Variants in SYNE1 observed in about 807,000 individuals in gnomAD.
The protein encoded by SYNE1 is spectrin repeat containing nuclear envelope protein 1, also known as nesprin-1.
In SYNE1, 616 loss-of-function variants were observed where a neutral mutation model predicts 1,111.0. The ratio of observed to expected loss-of-function variants is 0.55; its 90% CI spans 0.52 to 0.59. The LOEUF is 0.59. Among genes scored for constraint, SYNE1 ranks in the 20% least tolerant of loss-of-function variants. SYNE1 has a pLI of 0.00. For synonymous variants in SYNE1, 3,855 were observed against 3,825.8 expected, an observed-to-expected ratio of 1.01 and a Z score of -0.28; for missense variants, 10,006 against 10,417.0, an observed-to-expected ratio of 0.96 and a Z score of 1.72.
At chr6:152,155,374 G>A in intron 132 of SYNE1, 1 of 343,534 alleles carries the variant, frequency 2.9e-6, no homozygotes, top group Admixed American at 4.5e-5. Context: ...GTGCACTCAG[G>A]CCAGTGTCTT....
rs958928847 is a variant in SYNE1 at position 152,506,061 on chromosome 6, T to C, written c.582-664A>G. Among the ~76,000 whole-genome samples the C allele has an allele frequency of 5.3e-5, 8 of 152,252 alleles. No individual in the cohort carries two copies. The East Asian group carries it at 5.8e-4, about 11-fold the overall frequency. ...TTGTTTTTAAGCTCCTTTTTGGTAA[T>C]TGTCTTGAGGGCAAAGCCGTGGTGG... On this transcript the variant is annotated intron_variant, in intron 8 of 145. Coordinates refer to ENST00000367255, the MANE Select transcript of SYNE1 (RefSeq NM_182961.4).
rs1430713628 is a variant in SYNE1, at chr6:152,301,882, G to C, written c.17528C>G (p.Pro5843Arg). ...CTGGATCCTTACCATGACCACAGAG[G>C]GGTGGGCCGAAGGCGTGGGGAGGAG... Reference protein sequence around the residue: ...GELLPTPSAHPSVVMMTAGRC... With the variant: ...GELLPTPSAHRSVVMMTAGRC... The change falls in exon 92 of 146, where the codon CCC (proline) becomes CGC (arginine). Residue 5843 changes from proline (P) to arginine (R), a missense_variant. Physicochemically the swap from Pro to Arg is moderately radical, Grantham distance 103. Transcript: ENST00000367255. 1 of 1,613,564 alleles carries C rather than the reference G, an allele frequency of 6.2e-7. No individual in the cohort carries two copies. The highest frequency in any genetic ancestry group is 1.1e-5 in the South Asian group (1 of 91,066).
chr6:152,356,270 G>C (rs1320217034), intron 66 of SYNE1, among the ~76,000 whole-genome samples: 1 of 151,586 alleles, frequency 6.6e-6, no homozygotes, highest in Non-Finnish European at 1.5e-5. Flanking sequence ...TAAAAATACA[G>C]ACACTGTGGC....
At position 152,300,786 on chromosome 6, in the gene SYNE1, C is replaced by T. The variant is rs776747142; in HGVS notation, c.17542-5G>A. 3 of 1,614,144 alleles carry T rather than the reference C, an allele frequency of 1.9e-6. No individual in the cohort carries two copies. The highest frequency in any genetic ancestry group is 2.2e-5 in the South Asian group (2 of 91,080). On this transcript the variant is annotated splice_region_variant and splice_polypyrimidine_tract_variant and intron_variant, in intron 92 of 145. Coordinates refer to ENST00000367255, the MANE Select transcript of SYNE1 (RefSeq NM_182961.4). ...GTGACAGCGACCTGCAGTCATCTGC[C>T]ACGTAAAATGTAGCCCAAAGGACAT...
At chr6:152,630,746 A>G in intron 2 of SYNE1, among the ~76,000 whole-genome samples, 1 of 152,206 alleles carries the variant, frequency 6.6e-6, no homozygotes. Context: ...ACTGGAGCTC[A>G]CAGATGATTA....
intron 104 of SYNE1, among the ~76,000 whole-genome samples, chr6:152,250,619 A>T (rs924162770): frequency 2.6e-5 from 4 of 152,248 alleles, no homozygotes; most frequent in African/African-American, 9.6e-5. Context: ...AGCAATCTGC[A>T]AGTCTAGTGG....
chr6:152,225,246 A>G (rs1443233599), intron 116 of SYNE1, among the ~76,000 whole-genome samples: 1 of 151,040 alleles, frequency 6.6e-6, no homozygotes, highest in Admixed American at 6.6e-5. Context: ...ATCTATAGCT[A>G]TAACAATATC....
intron 8 of SYNE1, among the ~76,000 whole-genome samples, chr6:152,509,178 A>C (rs1251976853): frequency 2.0e-5 from 3 of 152,116 alleles, no homozygotes; most frequent in Non-Finnish European, 2.9e-5. Flanking sequence ...TTATATAATC[A>C]ACTGAAAACT....
chr6:152,245,387 C>T lies in SYNE1; in HGVS notation c.19573-731G>A, dbSNP rs147169719. On this transcript the variant is annotated intron_variant, in intron 105 of 145. Coordinates refer to ENST00000367255, the MANE Select transcript of SYNE1 (RefSeq NM_182961.4). ...GAAGGGAGATACCAGACCACAAATC[C>T]TGGAGCAGCCTAAGCAGGCGTTTGG... Among the ~76,000 whole-genome samples the T allele has an allele frequency of 3.9e-4, 60 of 152,286 alleles. No individual in the cohort carries two copies. The Middle Eastern group carries it at 0.014, about 35-fold the overall frequency.
At chr6:152,275,880 CAAAA>C (rs756837860) in intron 98 of SYNE1, among the ~76,000 whole-genome samples, 1 of 87,002 alleles carries the variant, frequency 1.1e-5, no homozygotes, top group African/African-American at 4.4e-5. Flanking sequence ...GACCCTGTCT[CAAAA>C]AAAAAAAAAC....
chr6:152,193,499 T>C (rs977805122), intron 127 of SYNE1, among the ~76,000 whole-genome samples: 2 of 152,074 alleles, frequency 1.3e-5, no homozygotes, highest in Non-Finnish European at 2.9e-5. Flanking sequence ...TATAATTTTG[T>C]TAGAGACAGG....
chr6:152,164,078 C>A, intron 131 of SYNE1, 85 bp downstream of exon 131: 1 of 1,573,100 alleles, frequency 6.4e-7, no homozygotes, highest in South Asian at 1.1e-5. Context: ...CATCTCCAGG[C>A]ACCATCTCAT....
At chr6:152,446,708 A>G (rs1360756722) in intron 29 of SYNE1, among the ~76,000 whole-genome samples, 1 of 152,202 alleles carries the variant, frequency 6.6e-6, no homozygotes, top group Non-Finnish European at 1.5e-5. Context: ...TATCTTCCAA[A>G]GCACAAACTT....
At chr6:152,359,890 G>C (rs12529267) in intron 64 of SYNE1, among the ~76,000 whole-genome samples, 1 of 150,538 alleles carries the variant, frequency 6.6e-6, no homozygotes, top group Admixed American at 6.6e-5. Context: ...TTGTTCCAGC[G>C]TCCTCTCTAG....
chr6:152,204,042 C>T (rs1043715824), intron 126 of SYNE1, among the ~76,000 whole-genome samples: 1 of 151,964 alleles, frequency 6.6e-6, no homozygotes, highest in Non-Finnish European at 1.5e-5. Flanking sequence ...GATCAACATA[C>T]AGTTGATAAA....
chr6:152,247,567 G>A (rs2087560519), intron 105 of SYNE1, among the ~76,000 whole-genome samples: 1 of 151,410 alleles, frequency 6.6e-6, no homozygotes, highest in South Asian at 2.1e-4. Context: ...TGAAATTATG[G>A]TCAAGAAAAA....
At chr6:152,504,920 C>T (rs2099049574) in intron 9 of SYNE1, among the ~76,000 whole-genome samples, 1 of 152,192 alleles carries the variant, frequency 6.6e-6, no homozygotes, top group Admixed American at 6.5e-5. Flanking sequence ...ACACACACTT[C>T]TAAAACTTTC....
chr6:152,519,043 C>T (rs980137657), intron 6 of SYNE1, among the ~76,000 whole-genome samples: 1 of 151,856 alleles, frequency 6.6e-6, no homozygotes, highest in African/African-American at 2.4e-5. Flanking sequence ...TGCTAAATGA[C>T]AAGCTAATGG....
At chr6:152,426,886 T>A (rs987899578) in intron 38 of SYNE1, among the ~76,000 whole-genome samples, 1 of 152,170 alleles carries the variant, frequency 6.6e-6, no homozygotes, top group Non-Finnish European at 1.5e-5. Context: ...TAGACACTGG[T>A]GACAGAGTTT....
Sources: allele counts gnomAD v4.1 joint callset (sites outside exome capture counted in the v4.1 genomes callset), GRCh38; gene constraint gnomAD v4.1.1; transcripts MANE v1.5; gene names NCBI Gene and HGNC (gene_info 2026-07-23, HGNC 2026-07-21).